Variants in RBM6 observed in about 807,000 individuals in gnomAD.
RBM6 encodes the protein RNA-binding protein 6.
In RBM6, 23 loss-of-function variants were observed where a neutral mutation model predicts 140.4. The ratio of observed to expected loss-of-function variants is 0.16; its 90% CI spans 0.12 to 0.23. The LOEUF is 0.23. Ranked by LOEUF, RBM6 falls within the 10% of genes least tolerant of loss-of-function variation. The pLI is 1.00. For synonymous variants in RBM6, 439 were observed against 475.6 expected (o/e 0.92, Z 1.00); for missense variants, 1,139 against 1,386.7 (o/e 0.82, Z 2.84).
intron 10 of RBM6, chr3:50,059,440 T>G: frequency 2.4e-6 from 1 of 411,986 alleles, no homozygotes; most frequent in Non-Finnish European, 4.3e-6. Context: ...CTGACATCTA[T>G]TCTGATTCCT....
At chr3:50,008,649 G>A (rs1281402688) in intron 6 of RBM6, among the ~76,000 whole-genome samples, 1 of 146,934 alleles carries the variant, frequency 6.8e-6, no homozygotes, top group Non-Finnish European at 1.5e-5. Context: ...CACCTCCCGG[G>A]TTAAAGCGAT....
chr3:49,970,556 G>A (rs1332397064), intron 3 of RBM6, among the ~76,000 whole-genome samples: 2 of 152,158 alleles, frequency 1.3e-5, no homozygotes, highest in Non-Finnish European at 2.9e-5. Flanking sequence ...ATACTTAGGA[G>A]TCTCCCTAGT....
chr3:50,062,892 CTTTTTTT>C (rs36101209), intron 15 of RBM6, among the ~76,000 whole-genome samples: 192 of 128,464 alleles, frequency 1.5e-3, no homozygotes, highest in Non-Finnish European at 2.7e-3. Flanking sequence ...TTTCTTTTTC[CTTTTTTT>C]TTTTTTTTTT....
intron 5 of RBM6, among the ~76,000 whole-genome samples, chr3:49,993,344 C>T (rs987255425): frequency 7.2e-5 from 11 of 152,080 alleles, no homozygotes; most frequent in Non-Finnish European, 1.5e-4. Flanking sequence ...GATAGATCCA[C>T]GTGTAGTTTT....
intron 6 of RBM6, among the ~76,000 whole-genome samples, chr3:50,021,296 GTTT>G (rs1433086255): frequency 1.2e-4 from 19 of 152,080 alleles, no homozygotes; most frequent in Non-Finnish European, 2.4e-4. Flanking sequence ...TGTACAAATG[GTTT>G]TATAACTCTT....
intron 6 of RBM6, among the ~76,000 whole-genome samples, chr3:50,008,466 A>G (rs546891017): frequency 1.4e-5 from 2 of 147,800 alleles, no homozygotes; most frequent in Non-Finnish European, 3.0e-5. Context: ...TTATGACCTT[A>G]TGTATGTTCA....
chr3:49,960,551 T>C (rs2084235519), intron 1 of RBM6, among the ~76,000 whole-genome samples: 1 of 152,196 alleles, frequency 6.6e-6, no homozygotes. Context: ...TTATCTACTT[T>C]TTCTTTTAAA....
At chr3:49,979,298 A>C (rs2085197480) in intron 5 of RBM6, among the ~76,000 whole-genome samples, 1 of 152,162 alleles carries the variant, frequency 6.6e-6, no homozygotes, top group South Asian at 2.1e-4. Flanking sequence ...CCTAATGGTT[A>C]TGGTACTTCT....
intron 1 of RBM6, among the ~76,000 whole-genome samples, chr3:49,955,363 G>C (rs2083932245): frequency 6.7e-6 from 1 of 148,512 alleles, no homozygotes; most frequent in South Asian, 2.1e-4. Context: ...GTAGAGATAG[G>C]GTCTCTATTG....
In RBM6 at chr3:49,968,958, G is replaced by A. The variant is rs1235857839; in HGVS notation, c.1323+210G>A. Among the ~76,000 whole-genome samples, 20 of 138,052 alleles carry A rather than the reference G, an allele frequency of 1.4e-4. No individual in the cohort carries two copies. The East Asian group carries it at 2.6e-3, about 18-fold the overall frequency. 90.6% of individuals were successfully genotyped at this position (138,052 alleles called of 152,430 possible). On this transcript the variant is annotated intron_variant, in intron 3 of 20. Coordinates refer to ENST00000266022, the MANE Select transcript of RBM6 (RefSeq NM_005777.3). ...ACCACCACGCCTGGTGTGAGCCACC[G>A]CGCCCGGCCTGCTTTTTTTTTTTTT...
At chr3:49,971,130 G>A (rs1685910411) in intron 3 of RBM6, among the ~76,000 whole-genome samples, 1 of 150,690 alleles carries the variant, frequency 6.6e-6, no homozygotes, top group Non-Finnish European at 1.5e-5. Flanking sequence ...GCTGGGCGTA[G>A]TGATGCATGT....
chr3:49,980,973 G>A (rs1263176359), intron 5 of RBM6, among the ~76,000 whole-genome samples: 2 of 151,336 alleles, frequency 1.3e-5, no homozygotes, highest in Non-Finnish European at 2.9e-5. Flanking sequence ...CGCGATATCG[G>A]CTCACTGCAA....
chr3:49,971,608 G>A (rs1040422833), intron 3 of RBM6, among the ~76,000 whole-genome samples: 4 of 151,872 alleles, frequency 2.6e-5, no homozygotes, highest in African/African-American at 9.7e-5. Flanking sequence ...CACAATCTTG[G>A]CTCACTGAAA....
chr3:50,024,074 C>A (rs1231938036), intron 6 of RBM6, among the ~76,000 whole-genome samples: 3 of 152,154 alleles, frequency 2.0e-5, no homozygotes, highest in African/African-American at 7.2e-5. Context: ...ATGACATTAT[C>A]CACAGATTCA....
At chr3:50,058,980 T>C (rs2089831163) in intron 10 of RBM6, 1 of 159,354 alleles carries the variant, frequency 6.3e-6, no homozygotes, top group African/African-American at 2.4e-5. Context: ...CTACCTGATA[T>C]CATAATCCCT....
chr3:50,073,727 A>C (rs777059665), intron 19 of RBM6, among the ~76,000 whole-genome samples: 2 of 152,188 alleles, frequency 1.3e-5, no homozygotes, highest in Non-Finnish European at 2.9e-5. Context: ...GTCTTTTTAC[A>C]AACCGTATAC....
At chr3:49,966,798 A>T (rs955724880) in intron 2 of RBM6, among the ~76,000 whole-genome samples, 9 of 152,054 alleles carry the variant, frequency 5.9e-5, no homozygotes, top group African/African-American at 2.2e-4. Flanking sequence ...GGTAGTTATA[A>T]TAGGACCCAG....
At chr3:49,976,985 ATTG>A (rs372207708) in intron 5 of RBM6, among the ~76,000 whole-genome samples, 191 of 152,278 alleles carry the variant, frequency 1.3e-3, no homozygotes, top group African/African-American at 4.4e-3. Context: ...AAAGAATTGG[ATTG>A]CTAGTTTCAT....
intron 6 of RBM6, among the ~76,000 whole-genome samples, chr3:50,032,014 T>G (rs1316439633): frequency 6.6e-6 from 1 of 152,166 alleles, no homozygotes; most frequent in African/African-American, 2.4e-5. Flanking sequence ...TTTTGAGCGT[T>G]TCAAGCATTA....
Sources: gnomAD v4.1 joint callset for allele counts (sites outside exome capture counted in the v4.1 genomes callset) on GRCh38, gnomAD v4.1.1 for gene constraint, MANE v1.5 for transcripts, NCBI Gene and HGNC (gene_info 2026-07-23, HGNC 2026-07-21) for gene names.